Variants in CIITA observed in about 807,000 individuals in gnomAD.
The protein encoded by CIITA is class II major histocompatibility complex transactivator.
Under a neutral mutation model 115.1 loss-of-function variants are expected in CIITA, and 72 were observed. The ratio of observed to expected loss-of-function variants is 0.63; its 90% CI spans 0.52 to 0.76. The LOEUF is 0.76. Ranked by LOEUF, CIITA falls within the 30% of genes least tolerant of loss-of-function variation. The pLI, the probability that CIITA is intolerant of heterozygous loss-of-function variation, is 0.00. For synonymous variants in CIITA, 763 were observed against 635.6 expected (o/e 1.20, Z -3.02); for missense variants, 1,617 against 1,463.8 (o/e 1.10, Z -1.71).
In CIITA at chr16:10,910,279, G is replaced by T; in HGVS notation, c.2888+20G>T. On this transcript the variant is annotated intron_variant, in intron 13 of 19. Transcript: ENST00000324288. ...GTTTGCGTAAGCAAAGGGGTGGATT[G>T]TCTTGTGGGTCTGCGCAAGGTTTCC... 6.2e-7 allele frequency: 1 copy of T among 1,609,488 alleles called. No individual in the cohort carries two copies. Among genetic ancestry groups the T allele is most frequent in the South Asian group, 1.1e-5 (1 of 90,708 alleles).
At position 10,879,329 on chromosome 16, in the gene CIITA, G is replaced by T. The variant is rs960152077; in HGVS notation, c.52+1947G>T. On this transcript the variant is annotated intron_variant, in intron 1 of 19. Coordinates refer to ENST00000324288, the MANE Select transcript of CIITA (RefSeq NM_000246.4). The surrounding 1 kb of genome is among the most constrained non-coding windows in gnomAD (Gnocchi z 4.3). ...GCAGCTTCTGCAGAGAAGCCGGAGC[G>T]CAGACTGGGAGCGCGGAGCAGACAC... 1.3e-5 allele frequency among the ~76,000 whole-genome samples: 2 copies of T among 152,104 alleles called. No homozygotes were observed. Among genetic ancestry groups the T allele is most frequent in the Non-Finnish European group, 2.9e-5 (2 of 68,012 alleles).
intron 1 of CIITA, among the ~76,000 whole-genome samples, chr16:10,884,791 C>A (rs1401529474): frequency 3.9e-5 from 6 of 152,188 alleles, no homozygotes; most frequent in Non-Finnish European, 4.4e-5. Context: ...GATGCTGCAA[C>A]TTTAGTGCTT....
rs941212813 is a variant in CIITA at position 10,933,636 on chromosome 16, G to A, written c.*9781G>A. Reference sequence around the variant, plus strand: ...CACACACGAGACATCAGTACAGGGTGGTTCCTTCCCTCCTTAGCCCCACCT... The same window carrying A: ...CACACACGAGACATCAGTACAGGGTAGTTCCTTCCCTCCTTAGCCCCACCT... On this transcript the variant is annotated 3_prime_UTR_variant, in exon 20 of 20. Transcript: ENST00000324288. 3 of 152,268 alleles carry A rather than the reference G, an allele frequency of 2.0e-5. No homozygotes were observed. Among genetic ancestry groups the A allele is most frequent in the Admixed American group, 2.0e-4 (3 of 15,284 alleles). The allele number at this position is 152,268 out of a possible 1,614,324, so 9.4% of individuals were successfully genotyped here. A position where few individuals can be genotyped will look rare whatever the true frequency, so the allele number is the denominator to read the frequency against.
At chr16:10,909,226 C>A in intron 12 of CIITA, 39 bp downstream of exon 12, 1 of 1,605,142 alleles carries the variant, frequency 6.2e-7, no homozygotes, top group Non-Finnish European at 8.5e-7. Flanking sequence ...TCACGCCATG[C>A]AGGTTGAGGA....
rs923040339 is a variant in CIITA at position 10,932,697 on chromosome 16, T to C, written c.*8842T>C. ...AACACAAACCAAAAAAAAAATTCTT[T>C]TTTTTTTTTTTTTTTTGAGACAGGG... On this transcript the variant is annotated 3_prime_UTR_variant, in exon 20 of 20. Transcript: ENST00000324288. 2 of 90,022 alleles carry C rather than the reference T, an allele frequency of 2.2e-5. No individual in the cohort carries two copies. Among genetic ancestry groups the C allele is most frequent in the African/African-American group, 1.4e-4 (2 of 14,576 alleles). The allele number at this position is 90,022 out of a possible 1,614,324, so 5.6% of individuals were successfully genotyped here.
chr16:10,898,259 T>G (rs2038340937), intron 3 of CIITA, among the ~76,000 whole-genome samples: 1 of 152,114 alleles, frequency 6.6e-6, no homozygotes, highest in African/African-American at 2.4e-5. Context: ...AACCTCTAAT[T>G]ATCACCATCG....
chr16:10,895,597 G>C, intron 2 of CIITA, 72 bp from the exon 3 acceptor site: 5 of 1,591,022 alleles, frequency 3.1e-6, no homozygotes, highest in Non-Finnish European at 4.3e-6. Context: ...GCCCTGCCCC[G>C]CCTCTCCCTC....
At position 10,903,878 on chromosome 16, in the gene CIITA, C is replaced by A; in HGVS notation, c.920C>A (p.Ser307Tyr). The change falls in exon 9 of 20, where the codon TCC (serine) becomes TAC (tyrosine). Residue 307 changes from serine (S) to tyrosine (Y), a missense_variant. By Grantham distance (144) the Ser-to-Tyr change is moderately radical (BLOSUM62 -2). Coordinates refer to ENST00000324288, the MANE Select transcript of CIITA (RefSeq NM_000246.4). ...LPSMPEPALT[S>Y]RANMTEHKTS... ...AGCATGCCTGAACCTGCCCTGACCTCCCGAGCAAACATGACAGGTAAGGAC... is the reference window on the plus strand; with the variant it reads ...AGCATGCCTGAACCTGCCCTGACCTACCGAGCAAACATGACAGGTAAGGAC... 1 of 1,614,218 alleles carries A rather than the reference C, an allele frequency of 6.2e-7. No homozygotes were observed. Among genetic ancestry groups the A allele is most frequent in the Non-Finnish European group, 8.5e-7 (1 of 1,180,028 alleles).
chr16:10,911,420 C>CTCTT lies in CIITA; in HGVS notation c.2888+1176_2888+1179dup, dbSNP rs1238826724. ...CCTTCCTTCCTCCCTCCCTATCTCT[C>CTCTT]TCTTTCTTTCTTTCTTTCCTTCTTT... On this transcript the variant is annotated intron_variant, in intron 13 of 19. Coordinates refer to ENST00000324288, the MANE Select transcript of CIITA (RefSeq NM_000246.4). 4.1e-3 allele frequency among the ~76,000 whole-genome samples: 603 copies of CTCTT among 147,420 alleles called. 2 individuals carry two copies. The highest frequency in any genetic ancestry group is 0.012 in the African/African-American group (493 of 39,586).
chr16:10,922,671 C>T (rs2040338884), intron 18 of CIITA, among the ~76,000 whole-genome samples, 181 bp downstream of exon 18: 1 of 152,202 alleles, frequency 6.6e-6, no homozygotes, highest in African/African-American at 2.4e-5. Context: ...ATAATATCCA[C>T]CCAAGAGGTT....
Position 10,909,123 on chromosome 16 carries a change from G to A in CIITA, c.2752G>A (p.Glu918Lys), listed in dbSNP as rs775406585. 9 of 1,614,070 alleles carry A rather than the reference G, an allele frequency of 5.6e-6. No individual in the cohort carries two copies. Among genetic ancestry groups the A allele is most frequent in the East Asian group, 4.5e-5 (2 of 44,894 alleles). The change falls in exon 12 of 20, where the codon GAG (glutamate) becomes AAG (lysine). Residue 918 changes from glutamate (E) to lysine (K), a missense_variant. Transcript: ENST00000324288. Reference sequence around the variant, plus strand: ...GGCAGCAGAGGAGAAGTTCACCATCGAGCCTTTCAAAGCCAAGTCCCTGAA... The same window carrying A: ...GGCAGCAGAGGAGAAGTTCACCATCAAGCCTTTCAAAGCCAAGTCCCTGAA... ...LQAAEEKFTIEPFKAKSLKDV... is the reference protein window; with the variant it reads ...LQAAEEKFTIKPFKAKSLKDV...
chr16:10,881,032 G>C (rs905635914), intron 1 of CIITA, among the ~76,000 whole-genome samples: 1 of 152,206 alleles, frequency 6.6e-6, no homozygotes, highest in African/African-American at 2.4e-5. Context: ...CTAGCACTTT[G>C]GGAGGCCGAG....
chr16:10,896,320 T>C (rs1374238775), intron 3 of CIITA, among the ~76,000 whole-genome samples: 1 of 152,228 alleles, frequency 6.6e-6, no homozygotes, highest in East Asian at 1.9e-4. Flanking sequence ...AATGTACAGA[T>C]CTGAAATTCT....
Position 10,909,088 on chromosome 16 carries a change from A to C in CIITA, c.2717A>C (p.Lys906Thr). ...TCCCTGCAGCAGCATGGGGAGACCA[A>C]GCTACTTCAGGCAGCAGAGGAGAAG... Reference protein sequence around the residue: ...WESLQQHGETKLLQAAEEKFT... With the variant: ...WESLQQHGETTLLQAAEEKFT... Residue 906 changes from lysine (K) to threonine (T), a missense_variant, in exon 12 of 20, where the codon AAG (lysine) becomes ACG (threonine). Physicochemically the swap from Lys to Thr is moderately conservative, Grantham distance 78. Transcript: ENST00000324288. 6.2e-7 allele frequency: 1 copy of C among 1,614,136 alleles called. No homozygotes were observed. Among genetic ancestry groups the C allele is most frequent in the Non-Finnish European group, 8.5e-7 (1 of 1,179,976 alleles).
chr16:10,885,581 A>G (rs1419493410), intron 1 of CIITA, among the ~76,000 whole-genome samples: 1 of 152,082 alleles, frequency 6.6e-6, no homozygotes, highest in Non-Finnish European at 1.5e-5. Context: ...CTCCTGGGAT[A>G]TCTACACTTG....
chr16:10,918,520 G>C lies in CIITA; in HGVS notation c.3143G>C (p.Arg1048Thr), dbSNP rs1470045477. 1 of 1,613,998 alleles carries C rather than the reference G, an allele frequency of 6.2e-7. No individual in the cohort carries two copies. The highest frequency in any genetic ancestry group is 8.5e-7 in the Non-Finnish European group (1 of 1,180,026). ...CCTTCGCTCGCTGCATCCCTGCTCA[G>C]GCTAAGGTGAGTGGGGCCCCGGATA... ...ALPSLAASLL[R>T]LSLYNNCICD... is the part of the protein sequence containing the mutation. The change falls in exon 16 of 20, where the codon AGG becomes ACG. Residue 1048 changes from arginine (R) to threonine (T), a missense_variant. By Grantham distance (71) the Arg-to-Thr change is moderately conservative. Transcript: ENST00000324288.
At chr16:10,876,598 G>C (rs1338236788), upstream of CIITA, among the ~76,000 whole-genome samples, 2 of 152,198 alleles carry the variant, frequency 1.3e-5, no homozygotes, top group African/African-American at 4.8e-5. Context: ...CTCCCTATGG[G>C]AGTCAGTATT....
upstream of CIITA, among the ~76,000 whole-genome samples, chr16:10,872,219 T>C (rs2035533820): frequency 6.6e-6 from 1 of 152,056 alleles, no homozygotes; most frequent in Non-Finnish European, 1.5e-5. Context: ...GCCTCCCAGA[T>C]TCAAGCAATT....
rs1020037424 is a variant in CIITA, at chr16:10,901,168, A to C, written c.437-346A>C. On this transcript the variant is annotated intron_variant, in intron 5 of 19. Coordinates refer to ENST00000324288, the MANE Select transcript of CIITA (RefSeq NM_000246.4). The surrounding 1 kb of genome is among the most constrained non-coding windows in gnomAD (Gnocchi z 6.8). Reference sequence around the variant, plus strand: ...ACCACCCCCATTTCATAGATGTGAGATCAAAGGTTCAGAGAAGCTGCATTG... The same window carrying C: ...ACCACCCCCATTTCATAGATGTGAGCTCAAAGGTTCAGAGAAGCTGCATTG... 6.6e-6 allele frequency among the ~76,000 whole-genome samples: 1 copy of C among 152,200 alleles called. No homozygotes were observed. Among genetic ancestry groups the C allele is most frequent in the Non-Finnish European group, 1.5e-5 (1 of 68,040 alleles).
Sources: gnomAD v4.1 joint callset for allele counts (sites outside exome capture counted in the v4.1 genomes callset) on GRCh38, gnomAD v4.1.1 for gene constraint, Gnocchi (gnomAD v3.1) non-coding constraint, MANE v1.5 for transcripts, NCBI Gene and HGNC (gene_info 2026-07-23, HGNC 2026-07-21) for gene names.